ABLIM1: variants seen among roughly 807,000 people sequenced by gnomAD.
ABLIM1 encodes actin binding LIM protein 1.
ABLIM1 carries 40 observed loss-of-function variants against 107.0 expected under a neutral mutation model. That is an observed-to-expected ratio of 0.37 (90% CI 0.29 to 0.49). The LOEUF (loss-of-function observed/expected upper bound fraction) is 0.49. Ranked by LOEUF, ABLIM1 falls within the 20% of genes least tolerant of loss-of-function variation. The pLI is 0.97. For synonymous variants in ABLIM1, 357 were observed against 357.3 expected (o/e 1.00, Z 0.01); for missense variants, 857 against 1,008.5 (o/e 0.85, Z 2.04).
chr10:114,655,386 A>G (rs2079452581), intron 1 of ABLIM1, among the ~76,000 whole-genome samples: 3 of 152,218 alleles, frequency 2.0e-5, no homozygotes, highest in African/African-American at 7.2e-5. Flanking sequence ...TCATTAAACT[A>G]CAGCTTACCT....
chr10:114,761,173 G>A (rs187555933), intron 1 of ABLIM1, among the ~76,000 whole-genome samples: 20 of 151,950 alleles, frequency 1.3e-4, no homozygotes, highest in African/African-American at 4.6e-4. Flanking sequence ...GCAGAAGTAA[G>A]AGAGAAGAAA....
intron 1 of ABLIM1, among the ~76,000 whole-genome samples, chr10:114,634,992 A>G (rs2078406788): frequency 6.6e-6 from 1 of 152,262 alleles, no homozygotes; most frequent in Non-Finnish European, 1.5e-5. Context: ...TAAAGCTGCA[A>G]GAAGTGCAGC....
chr10:114,612,320 T>C (rs1180218601), intron 1 of ABLIM1, among the ~76,000 whole-genome samples: 8 of 152,220 alleles, frequency 5.3e-5, no homozygotes, highest in Non-Finnish European at 1.2e-4. Context: ...TAGTTTGCTC[T>C]TCTGCCTCCA....
chr10:114,676,818 G>A (rs925537822), intron 1 of ABLIM1, among the ~76,000 whole-genome samples: 5 of 152,114 alleles, frequency 3.3e-5, no homozygotes, highest in South Asian at 2.1e-4. Context: ...TCACTGCAAC[G>A]TCTACCTCCT....
chr10:114,645,633 T>C (rs1259122841), intron 1 of ABLIM1, among the ~76,000 whole-genome samples: 1 of 152,214 alleles, frequency 6.6e-6, no homozygotes, highest in Non-Finnish European at 1.5e-5. Context: ...TCAGACAGAA[T>C]ATATTTTTTT....
chr10:114,493,679 C>T (rs1364575260), intron 6 of ABLIM1, among the ~76,000 whole-genome samples: 1 of 151,920 alleles, frequency 6.6e-6, no homozygotes, highest in Non-Finnish European at 1.5e-5. Flanking sequence ...AAAATGGGAT[C>T]CCATTTGTAA....
At chr10:114,784,858 C>T in the ABLIM1 span, among the ~76,000 whole-genome samples, 1 of 151,736 alleles carries the variant, frequency 6.6e-6, no homozygotes, top group Non-Finnish European at 1.5e-5. Context: ...TTATGACTTT[C>T]CTGGACCATA....
At chr10:114,659,237 G>C (rs554951448), upstream of ABLIM1, among the ~76,000 whole-genome samples, 17 of 152,100 alleles carry the variant, frequency 1.1e-4, no homozygotes, top group Admixed American at 1.0e-3. Flanking sequence ...CTGCAGGTGC[G>C]GTTGCTCACG....
chr10:114,793,088 G>T, the ABLIM1 span, among the ~76,000 whole-genome samples: 1 of 152,178 alleles, frequency 6.6e-6, no homozygotes, highest in Non-Finnish European at 1.5e-5. Context: ...GGAGGCAGAG[G>T]TTGCAGTAAG....
chr10:114,683,848 A>C (rs1445991007), intron 1 of ABLIM1, among the ~76,000 whole-genome samples: 2 of 152,158 alleles, frequency 1.3e-5, no homozygotes, highest in Non-Finnish European at 1.5e-5. Context: ...TCCTGAAGCC[A>C]GCCAGCCTCA....
the ABLIM1 span, among the ~76,000 whole-genome samples, chr10:114,783,455 G>A: frequency 6.6e-6 from 1 of 152,092 alleles, no homozygotes; most frequent in South Asian, 2.1e-4. Flanking sequence ...GAGAGGTCTG[G>A]GCTACAGATA....
At chr10:114,596,424 G>C (rs980385521) in intron 2 of ABLIM1, among the ~76,000 whole-genome samples, 2 of 152,200 alleles carry the variant, frequency 1.3e-5, no homozygotes, top group African/African-American at 4.8e-5. Context: ...AAATGGGCCT[G>C]GCGTGGTGGC....
chr10:114,641,154 A>T (rs918124852), intron 1 of ABLIM1, among the ~76,000 whole-genome samples: 1 of 151,160 alleles, frequency 6.6e-6, no homozygotes, highest in Non-Finnish European at 1.5e-5. Flanking sequence ...TGGGGGATTT[A>T]ACCTGTAACA....
chr10:114,789,474 C>T, the ABLIM1 span, among the ~76,000 whole-genome samples: 1 of 152,034 alleles, frequency 6.6e-6, no homozygotes, highest in Non-Finnish European at 1.5e-5. Flanking sequence ...ATAACTTTTA[C>T]TTTAGACTTG....
chr10:114,485,958 G>C (rs2058126777), intron 8 of ABLIM1, among the ~76,000 whole-genome samples: 1 of 152,134 alleles, frequency 6.6e-6, no homozygotes, highest in African/African-American at 2.4e-5. Context: ...CCCCGGCTCT[G>C]GGTACGTGGG....
the ABLIM1 span, among the ~76,000 whole-genome samples, chr10:114,781,450 G>A: frequency 6.6e-6 from 1 of 151,904 alleles, no homozygotes; most frequent in South Asian, 2.1e-4. Context: ...GTTGCAGTGA[G>A]CCGAGATCAT....
chr10:114,561,650 A>C (rs896821823), intron 4 of ABLIM1, among the ~76,000 whole-genome samples: 1 of 152,216 alleles, frequency 6.6e-6, no homozygotes, highest in African/African-American at 2.4e-5. Context: ...AAACAGCTAA[A>C]TTTTTACTGT....
chr10:114,569,687 C>T (rs2071359873), intron 4 of ABLIM1, among the ~76,000 whole-genome samples: 2 of 152,156 alleles, frequency 1.3e-5, no homozygotes, highest in Admixed American at 1.3e-4. Context: ...GGTGACAATT[C>T]CCACTGGAGG....
intron 1 of ABLIM1, among the ~76,000 whole-genome samples, chr10:114,628,386 G>C (rs1309741087): frequency 6.6e-6 from 1 of 152,228 alleles, no homozygotes; most frequent in Non-Finnish European, 1.5e-5. Context: ...CAATGCACAA[G>C]ACAGAATCAC....
Sources: allele counts gnomAD v4.1 joint callset (sites outside exome capture counted in the v4.1 genomes callset), GRCh38; gene constraint gnomAD v4.1.1; transcripts MANE v1.5; gene names NCBI Gene and HGNC (gene_info 2026-07-23, HGNC 2026-07-21).